Variants in CPXM2 observed in about 807,000 individuals in gnomAD.
The protein encoded by CPXM2 is carboxypeptidase X, M14 family member 2.
Under a neutral mutation model 86.1 loss-of-function variants are expected in CPXM2, and 66 were observed. That is an observed-to-expected ratio of 0.77 (90% confidence interval 0.63 to 0.94). The LOEUF is 0.94. Ranked by LOEUF, CPXM2 falls within the 40% of genes least tolerant of loss-of-function variation. CPXM2 has a pLI of 0.00. For synonymous variants in CPXM2, 388 were observed against 400.2 expected (o/e 0.97, Z 0.36); for missense variants, 948 against 1,026.3 (o/e 0.92, Z 1.04).
intron 5 of CPXM2, among the ~76,000 whole-genome samples, chr10:123,798,863 A>G (rs1213321395): frequency 1.3e-5 from 2 of 152,224 alleles, no homozygotes; most frequent in Admixed American, 6.5e-5. Context: ...TGCAAATTAC[A>G]TAAAAGGCTG....
chr10:123,912,970 G>A (rs775320790), intron 2 of CPXM2, among the ~76,000 whole-genome samples: 4 of 152,130 alleles, frequency 2.6e-5, no homozygotes, highest in South Asian at 2.1e-4. Flanking sequence ...TCATCCACAC[G>A]GGTAGTTCTC....
At chr10:123,854,412 A>G (rs1159733795) in intron 3 of CPXM2, among the ~76,000 whole-genome samples, 1 of 122,606 alleles carries the variant, frequency 8.2e-6, no homozygotes, top group Non-Finnish European at 1.6e-5. Context: ...TATATTATAT[A>G]TAAAATATAT....
chr10:123,847,230 A>G (rs1848512414), intron 3 of CPXM2, among the ~76,000 whole-genome samples: 2 of 152,214 alleles, frequency 1.3e-5, no homozygotes, highest in African/African-American at 4.8e-5. Flanking sequence ...ATTATTTAGA[A>G]GTGAAGATTT....
intron 3 of CPXM2, among the ~76,000 whole-genome samples, chr10:123,851,926 C>T (rs1159395617): frequency 6.6e-6 from 1 of 152,066 alleles, no homozygotes; most frequent in Admixed American, 6.6e-5. Flanking sequence ...TAGAGGCTCA[C>T]TGGAAGAAGC....
intron 2 of CPXM2, among the ~76,000 whole-genome samples, chr10:123,868,081 CA>C (rs1208736005): frequency 1.3e-5 from 2 of 152,194 alleles, no homozygotes; most frequent in African/African-American, 4.8e-5. Flanking sequence ...AAAACATCTG[CA>C]GTTCCTAGGC....
At chr10:123,808,390 A>C (rs999482375) in intron 4 of CPXM2, among the ~76,000 whole-genome samples, 11 of 140,590 alleles carry the variant, frequency 7.8e-5, no homozygotes, top group South Asian at 2.1e-4. Context: ...CAACAACAAC[A>C]ACCAGCTGTT....
At chr10:123,926,979 T>C (rs899410735) in intron 2 of CPXM2, among the ~76,000 whole-genome samples, 1 of 152,160 alleles carries the variant, frequency 6.6e-6, no homozygotes. Context: ...TACCCATTCT[T>C]GCATCTCAGA....
chr10:123,915,187 C>T (rs1340251433), intron 2 of CPXM2, among the ~76,000 whole-genome samples: 2 of 152,226 alleles, frequency 1.3e-5, no homozygotes, highest in Non-Finnish European at 2.9e-5. Flanking sequence ...CACACACTTG[C>T]TCCTGCCTCA....
chr10:123,896,878 C>G (rs1169993183), upstream of CPXM2, among the ~76,000 whole-genome samples: 5 of 152,364 alleles, frequency 3.3e-5, no homozygotes, highest in East Asian at 9.6e-4. Context: ...GCTGGGTTCT[C>G]TGTTTGCACT....
chr10:123,903,763 C>T (rs564106806), intron 2 of CPXM2, among the ~76,000 whole-genome samples: 2 of 152,238 alleles, frequency 1.3e-5, no homozygotes, highest in Non-Finnish European at 2.9e-5. Context: ...AATTTTACAA[C>T]AGATCTCGTT....
intron 4 of CPXM2, among the ~76,000 whole-genome samples, chr10:123,809,864 C>T (rs1017433937): frequency 3.3e-5 from 5 of 151,814 alleles, no homozygotes; most frequent in Admixed American, 3.3e-4. Flanking sequence ...GGTGGGAAAA[C>T]TCAGATTATA....
chr10:123,906,021 A>G (rs1945436132), intron 2 of CPXM2, among the ~76,000 whole-genome samples: 2 of 152,134 alleles, frequency 1.3e-5, no homozygotes, highest in African/African-American at 4.8e-5. Context: ...ACGCCCAGGT[A>G]CTGAAGTGGG....
chr10:123,931,098 A>G (rs1320510934), intron 2 of CPXM2, among the ~76,000 whole-genome samples: 1 of 152,206 alleles, frequency 6.6e-6, no homozygotes, highest in Non-Finnish European at 1.5e-5. Context: ...GGGGTCTAGA[A>G]AACTCAGGGA....
chr10:123,877,040 G>C (rs1944999699), intron 2 of CPXM2, among the ~76,000 whole-genome samples: 1 of 152,150 alleles, frequency 6.6e-6, no homozygotes, highest in Non-Finnish European at 1.5e-5. Context: ...CCTATAGAGA[G>C]AACATGTGAG....
At chr10:123,760,916 C>G (rs1349498817) in intron 11 of CPXM2, among the ~76,000 whole-genome samples, 1 of 140,420 alleles carries the variant, frequency 7.1e-6, no homozygotes, top group African/African-American at 2.7e-5. Flanking sequence ...AACCCCCAGT[C>G]TGACATGAAA....
At chr10:123,827,885 T>C (rs59646169) in intron 4 of CPXM2, among the ~76,000 whole-genome samples, 1 of 151,966 alleles carries the variant, frequency 6.6e-6, no homozygotes, top group Non-Finnish European at 1.5e-5. Context: ...TAAATCAGGG[T>C]GGGCAAGGTG....
chr10:123,792,806 C>T (rs1253605699), intron 6 of CPXM2, among the ~76,000 whole-genome samples: 1 of 152,170 alleles, frequency 6.6e-6, no homozygotes, highest in Non-Finnish European at 1.5e-5. Context: ...TATCCCCACA[C>T]CTTCTGCAAT....
intron 2 of CPXM2, among the ~76,000 whole-genome samples, chr10:123,939,156 C>G (rs941984311): frequency 1.3e-5 from 2 of 152,162 alleles, no homozygotes; most frequent in African/African-American, 4.8e-5. Flanking sequence ...CCCACAGAGC[C>G]GTAGTATTGG....
upstream of CPXM2, among the ~76,000 whole-genome samples, chr10:123,892,468 G>C (rs999088929): frequency 1.2e-4 from 19 of 152,176 alleles, no homozygotes; most frequent in African/African-American, 4.3e-4. Flanking sequence ...CTTTGAGAAA[G>C]GGCCTCCTGC....
Sources: allele counts gnomAD v4.1 joint callset (sites outside exome capture counted in the v4.1 genomes callset), GRCh38; gene constraint gnomAD v4.1.1; transcripts MANE v1.5; gene names NCBI Gene and HGNC (gene_info 2026-07-23, HGNC 2026-07-21).